Variants in CRACD observed in about 807,000 individuals in gnomAD.
CRACD encodes capping protein inhibiting regulator of actin dynamics.
A neutral mutation model predicts 106.8 loss-of-function variants in CRACD; 56 were observed. The ratio of observed to expected loss-of-function variants is 0.52; its 90% CI spans 0.42 to 0.66. CRACD has a LOEUF of 0.66. Ranked by LOEUF, CRACD falls within the 30% of genes least tolerant of loss-of-function variation. The pLI is 0.00. For synonymous variants in CRACD, 754 were observed against 670.8 expected (o/e 1.12, Z -1.92); for missense variants, 1,730 against 1,623.2 (o/e 1.07, Z -1.13).
intron 2 of CRACD, among the ~76,000 whole-genome samples, chr4:56,249,009 A>G (rs1454480667): frequency 3.7e-5 from 3 of 81,332 alleles, no homozygotes; most frequent in African/African-American, 1.4e-4. Flanking sequence ...AGTCTTTGCT[A>G]TTGTGAATAA....
intron 1 of CRACD, among the ~76,000 whole-genome samples, chr4:56,151,169 G>A (rs896302782): frequency 3.9e-5 from 6 of 152,084 alleles, no homozygotes; most frequent in African/African-American, 1.4e-4. Flanking sequence ...GCTAATTTTT[G>A]TAATTTTTGT....
chr4:56,227,993 T>C (rs571527874), intron 2 of CRACD, among the ~76,000 whole-genome samples: 2 of 152,302 alleles, frequency 1.3e-5, no homozygotes, highest in East Asian at 1.9e-4. Context: ...GCAGGATATA[T>C]GTAAGGAGCA....
At chr4:56,183,024 G>C (rs1736905370) in intron 2 of CRACD, among the ~76,000 whole-genome samples, 1 of 151,580 alleles carries the variant, frequency 6.6e-6, no homozygotes, top group Non-Finnish European at 1.5e-5. Context: ...CCTGAGGTTG[G>C]GAGTTTGAGA....
At chr4:56,271,160 G>A (rs1416157316) in intron 2 of CRACD, among the ~76,000 whole-genome samples, 1 of 151,934 alleles carries the variant, frequency 6.6e-6, no homozygotes, top group Non-Finnish European at 1.5e-5. Flanking sequence ...TAGAAAGGTG[G>A]CTCTTTAAGC....
chr4:56,180,832 C>T (rs1736791626), intron 2 of CRACD, among the ~76,000 whole-genome samples: 1 of 152,254 alleles, frequency 6.6e-6, no homozygotes, highest in South Asian at 2.1e-4. Flanking sequence ...GTCAGCACCC[C>T]TTAGGGAGTC....
intron 1 of CRACD, among the ~76,000 whole-genome samples, chr4:56,069,187 C>T (rs960858556): frequency 2.0e-5 from 3 of 152,150 alleles, no homozygotes; most frequent in African/African-American, 7.2e-5. Flanking sequence ...GCCTCCAGAA[C>T]TGTGAGAGAA....
intron 1 of CRACD, among the ~76,000 whole-genome samples, chr4:56,071,319 C>T (rs1732638748): frequency 6.6e-6 from 1 of 152,114 alleles, no homozygotes; most frequent in South Asian, 2.1e-4. Flanking sequence ...TTTTTTACTT[C>T]ATGGGCAGAA....
rs573181275 is a variant in CRACD at position 56,195,308 on chromosome 4, A to G, written c.-189+15878A>G. On this transcript the variant is annotated intron_variant, in intron 2 of 10. Coordinates refer to ENST00000682029, the MANE Select transcript of CRACD (RefSeq NM_001393381.1). ...GCGGGGAAAAGATGCGTCAATTTTCATGGCAAAATATTGTAAGAAATAGCT... is the reference window on the plus strand; with the variant it reads ...GCGGGGAAAAGATGCGTCAATTTTCGTGGCAAAATATTGTAAGAAATAGCT... Among the ~76,000 whole-genome samples the G allele has an allele frequency of 1.0e-3, 156 of 152,300 alleles. 1 individual carries two copies. The highest frequency in any genetic ancestry group is 3.7e-3 in the African/African-American group (153 of 41,572).
chr4:56,089,263 A>C (rs375611225), intron 1 of CRACD, among the ~76,000 whole-genome samples: 6 of 152,194 alleles, frequency 3.9e-5, no homozygotes, highest in Non-Finnish European at 7.3e-5. Flanking sequence ...GTGTTGCTGC[A>C]GTCCCAGGGC....
At chr4:56,152,024 T>TA (rs1190190835) in intron 1 of CRACD, among the ~76,000 whole-genome samples, 3 of 151,130 alleles carry the variant, frequency 2.0e-5, no homozygotes, top group Non-Finnish European at 2.9e-5. Context: ...TTTTTTTTTT[T>TA]TTTGAGATGG....
chr4:56,241,813 A>G (rs1740383527), intron 2 of CRACD, among the ~76,000 whole-genome samples: 1 of 152,166 alleles, frequency 6.6e-6, no homozygotes, highest in Non-Finnish European at 1.5e-5. Context: ...ACCTGAAATG[A>G]GTTTGGAAGG....
At chr4:56,261,930 C>G (rs1741732942) in intron 2 of CRACD, among the ~76,000 whole-genome samples, 1 of 152,002 alleles carries the variant, frequency 6.6e-6, no homozygotes. Context: ...TGCTAAAAAT[C>G]CACATACTTT....
At chr4:56,232,151 A>G (rs764013419) in intron 2 of CRACD, among the ~76,000 whole-genome samples, 4 of 152,118 alleles carry the variant, frequency 2.6e-5, no homozygotes, top group Non-Finnish European at 4.4e-5. Context: ...CCAGGCAACC[A>G]CTAATCTGCT....
chr4:56,248,692 A>G (rs1740852770), intron 2 of CRACD, among the ~76,000 whole-genome samples: 2 of 148,506 alleles, frequency 1.3e-5, no homozygotes, highest in Admixed American at 6.7e-5. Context: ...GTCATCTAGC[A>G]TTAGGTATAT....
At chr4:56,233,128 A>ATTTG (rs34664446) in intron 2 of CRACD, among the ~76,000 whole-genome samples, 68,058 of 151,654 alleles carry the variant, frequency 0.45, 15,815 homozygotes, top group Non-Finnish European at 0.51. Flanking sequence ...TAATTAGATT[A>ATTTG]TTTACTTATA....
Position 56,315,160 on chromosome 4 carries a change from T to G in CRACD, c.1658T>G (p.Val553Gly). 3 of 1,604,336 alleles carry G rather than the reference T, an allele frequency of 1.9e-6. No homozygotes were observed. The highest frequency in any genetic ancestry group is 2.6e-6 in the Non-Finnish European group (3 of 1,176,158). Residue 553 changes from valine (V) to glycine (G), a missense_variant, in exon 8 of 11, where the codon GTC becomes GGC. Transcript: ENST00000682029. This position sits in a 1 kb window ranked among gnomAD's most constrained non-coding sequence, Gnocchi z 4.1. ...SGGKQILFPK[V>G]NLSPVTPAKD... ...GGGAAGCAGATTCTCTTTCCCAAAGTCAACCTGAGCCCCGTGACGCCCGCA... is the reference window on the plus strand; with the variant it reads ...GGGAAGCAGATTCTCTTTCCCAAAGGCAACCTGAGCCCCGTGACGCCCGCA...
chr4:56,254,397 GGT>G (rs367883598), intron 2 of CRACD, among the ~76,000 whole-genome samples: 1,873 of 93,228 alleles, frequency 0.02, 39 homozygotes, highest in African/African-American at 0.062. Context: ...GTTTTGTGGG[GGT>G]TTTTTTTTTT....
intron 8 of CRACD, among the ~76,000 whole-genome samples, chr4:56,321,879 A>G (rs1468461346): frequency 6.6e-6 from 1 of 152,186 alleles, no homozygotes; most frequent in Admixed American, 6.5e-5. Context: ...TCTAAAGAAT[A>G]TAGAAAAATA....
intron 2 of CRACD, among the ~76,000 whole-genome samples, chr4:56,264,180 G>A (rs758578408): frequency 2.0e-5 from 3 of 152,070 alleles, no homozygotes; most frequent in African/African-American, 4.8e-5. Context: ...AGAACAGCAA[G>A]GGAGAAATCT....
Sources: gnomAD v4.1 joint callset for allele counts (sites outside exome capture counted in the v4.1 genomes callset) on GRCh38, gnomAD v4.1.1 for gene constraint, Gnocchi (gnomAD v3.1) non-coding constraint, MANE v1.5 for transcripts, NCBI Gene and HGNC (gene_info 2026-07-23, HGNC 2026-07-21) for gene names.